TENM2: variants seen among roughly 807,000 people sequenced by gnomAD.
TENM2 encodes the protein teneurin transmembrane protein 2, also known as teneurin-2.
TENM2 carries 52 observed loss-of-function variants against 245.2 expected under a neutral mutation model. The observed-to-expected ratio is 0.21, with a 90% CI of 0.17 to 0.27. The LOEUF (loss-of-function observed/expected upper bound fraction) is 0.27, where lower values mean the gene tolerates loss of function less well. TENM2 is among the 10% of genes least tolerant of loss of function. The pLI, the probability that TENM2 is intolerant of heterozygous loss-of-function variation, is 1.00. For missense variants in TENM2, 3,046 were observed against 3,666.8 expected (o/e 0.83, Z 4.37); for synonymous variants, 1,363 against 1,438.9 (o/e 0.95, Z 1.19).
chr5:167,918,440 C>T (rs1777110712), intron 3 of TENM2, among the ~76,000 whole-genome samples: 1 of 152,204 alleles, frequency 6.6e-6, no homozygotes, highest in African/African-American at 2.4e-5. Flanking sequence ...CTGCACGTCT[C>T]CCTATAAGCT....
At chr5:168,069,223 A>G (rs893121393) in intron 7 of TENM2, among the ~76,000 whole-genome samples, 3 of 152,194 alleles carry the variant, frequency 2.0e-5, no homozygotes, top group African/African-American at 7.2e-5. Context: ...ATCTGAGCAG[A>G]CACACATCGG....
At chr5:167,338,868 AAG>A (rs900110468) in intron 1 of TENM2, among the ~76,000 whole-genome samples, 16 of 152,274 alleles carry the variant, frequency 1.1e-4, no homozygotes, top group East Asian at 1.9e-4. Context: ...ACGTGACAGA[AAG>A]AGAGAGTTCT....
chr5:167,755,789 G>A (rs914288732), intron 2 of TENM2, among the ~76,000 whole-genome samples: 1 of 152,090 alleles, frequency 6.6e-6, no homozygotes, highest in Non-Finnish European at 1.5e-5. Context: ...GTGATATTTA[G>A]CATGCTGAAC....
At chr5:167,633,482 C>A (rs1779001369) in intron 2 of TENM2, among the ~76,000 whole-genome samples, 1 of 152,028 alleles carries the variant, frequency 6.6e-6, no homozygotes, top group Non-Finnish European at 1.5e-5. Flanking sequence ...ATAATTGGAG[C>A]AAATCAGTCA....
At chr5:167,708,550 A>G (rs960001184) in intron 2 of TENM2, among the ~76,000 whole-genome samples, 2 of 152,290 alleles carry the variant, frequency 1.3e-5, no homozygotes, top group South Asian at 2.1e-4. Context: ...TGGAAAATAA[A>G]TCTTTCCACA....
the TENM2 span, among the ~76,000 whole-genome samples, chr5:167,198,488 G>T: frequency 4.6e-5 from 7 of 152,022 alleles, no homozygotes; most frequent in African/African-American, 1.4e-4. Context: ...TGGCTCAAAG[G>T]TAGCCACAAA....
At chr5:167,853,162 C>T (rs1352776502) in intron 2 of TENM2, among the ~76,000 whole-genome samples, 1 of 150,938 alleles carries the variant, frequency 6.6e-6, no homozygotes, top group Non-Finnish European at 1.5e-5. Flanking sequence ...TGGTGGCGGG[C>T]GCCTGTAGTT....
chr5:167,580,765 G>T (rs10462968), intron 2 of TENM2, among the ~76,000 whole-genome samples: 1 of 152,160 alleles, frequency 6.6e-6, no homozygotes, highest in Non-Finnish European at 1.5e-5. Context: ...CGAGGTGGGC[G>T]GATTGCTTGA....
chr5:168,169,182 C>A (rs892801595), intron 13 of TENM2, among the ~76,000 whole-genome samples: 1 of 152,196 alleles, frequency 6.6e-6, no homozygotes, highest in African/African-American at 2.4e-5. Flanking sequence ...TTGTTAAGGA[C>A]TGGCTCTTCA....
At chr5:167,972,853 G>T (rs948120111) in intron 4 of TENM2, among the ~76,000 whole-genome samples, 8 of 152,146 alleles carry the variant, frequency 5.3e-5, no homozygotes, top group African/African-American at 1.9e-4. Context: ...TCTTCTTAAT[G>T]CCAGATATAG....
chr5:167,590,827 G>T (rs2127705458), intron 2 of TENM2, among the ~76,000 whole-genome samples: 2 of 152,126 alleles, frequency 1.3e-5, no homozygotes, highest in East Asian at 1.9e-4. Flanking sequence ...TCTTAATCAG[G>T]CATTTCTTCC....
chr5:168,136,495 G>A (rs1755059183), intron 12 of TENM2, among the ~76,000 whole-genome samples: 1 of 152,194 alleles, frequency 6.6e-6, no homozygotes, highest in South Asian at 2.1e-4. Context: ...CCCCGTGCCA[G>A]CAGCACCATT....
chr5:167,181,461 C>G, the TENM2 span, among the ~76,000 whole-genome samples: 2 of 88,452 alleles, frequency 2.3e-5, no homozygotes, highest in African/African-American at 5.0e-5. Context: ...TAGGGAGCCG[C>G]TCGTTTGTGT....
At chr5:167,650,027 C>T (rs1203881441) in intron 2 of TENM2, among the ~76,000 whole-genome samples, 1 of 152,216 alleles carries the variant, frequency 6.6e-6, no homozygotes, top group Non-Finnish European at 1.5e-5. Context: ...CCCACCTCCA[C>T]TTTGGAAGAT....
chr5:168,231,032 C>A (rs1764841190), intron 25 of TENM2: 1 of 152,252 alleles, frequency 6.6e-6, no homozygotes, highest in Admixed American at 6.5e-5. Context: ...ATCCTGCCAT[C>A]TTAAGCACAG....
chr5:167,054,600 A>G, the TENM2 span, among the ~76,000 whole-genome samples: 1 of 152,200 alleles, frequency 6.6e-6, no homozygotes, highest in Admixed American at 6.5e-5. Context: ...TATGAGAGAA[A>G]CTGTAAACTG....
the TENM2 span, among the ~76,000 whole-genome samples, chr5:167,202,428 AGGGCAAG>A: frequency 6.6e-6 from 1 of 152,126 alleles, no homozygotes; most frequent in Admixed American, 6.6e-5. Context: ...TCTTCTTCTC[AGGGCAAG>A]TGAAGGAATT....
intron 2 of TENM2, among the ~76,000 whole-genome samples, chr5:167,648,746 G>C (rs1355453480): frequency 1.3e-5 from 2 of 152,140 alleles, no homozygotes; most frequent in African/African-American, 4.8e-5. Context: ...ACTCCTCCTG[G>C]GATATCTCAC....
At chr5:167,579,056 T>C (rs1202219440) in intron 2 of TENM2, among the ~76,000 whole-genome samples, 1 of 152,216 alleles carries the variant, frequency 6.6e-6, no homozygotes, top group Non-Finnish European at 1.5e-5. Context: ...CCAACCACTT[T>C]AATTTAATTT....
Sources: gnomAD v4.1 joint callset for allele counts (sites outside exome capture counted in the v4.1 genomes callset) on GRCh38, gnomAD v4.1.1 for gene constraint, MANE v1.5 for transcripts, NCBI Gene and HGNC (gene_info 2026-07-23, HGNC 2026-07-21) for gene names.